ENTPD6: variants seen among roughly 807,000 people sequenced by gnomAD.
ENTPD6 encodes CD39 antigen-like 2.
ENTPD6 carries 46 observed loss-of-function variants against 61.5 expected under a neutral mutation model. The ratio of observed to expected loss-of-function variants is 0.75; its 90% CI spans 0.59 to 0.96. The LOEUF (loss-of-function observed/expected upper bound fraction) is 0.96. ENTPD6 is among the 40% of genes least tolerant of loss of function. The pLI, the probability that ENTPD6 is intolerant of heterozygous loss-of-function variation, is 0.00. For synonymous variants in ENTPD6, 252 were observed against 255.5 expected, an observed-to-expected ratio of 0.99 and a Z score of 0.13; for missense variants, 612 against 629.0, an observed-to-expected ratio of 0.97 and a Z score of 0.29.
rs907684566 is a variant in ENTPD6 at position 25,195,966 on chromosome 20, C to T, written c.-16+99C>T. 6 of 1,018,776 alleles carry T rather than the reference C, an allele frequency of 5.9e-6. No homozygotes were observed. The Admixed American group carries it at 1.3e-4, about 22-fold the overall frequency. 63.1% of individuals were successfully genotyped at this position (1,018,776 alleles called of 1,614,324 possible). ...CGCGCTGCGCTCCGGAGGACGGCCT[C>T]GGGGTCACTCGCACCCCGGGTCCCA... On this transcript the variant is annotated intron_variant, in intron 1 of 14. Coordinates refer to ENST00000376652, the MANE Select transcript of ENTPD6 (RefSeq NM_001247.5).
chr20:25,207,529 G>A, intron 3 of ENTPD6, 132 bp downstream of exon 3: 2 of 802,360 alleles, frequency 2.5e-6, no homozygotes, highest in Non-Finnish European at 3.7e-6. Context: ...GCTGGTATGG[G>A]CTGGGGTCCA....
rs6050459 is a variant in ENTPD6 at position 25,225,654 on chromosome 20, T to C, written c.*57T>C. The C allele has an allele frequency of 0.01, 14,503 of 1,440,928 alleles. 1,172 individuals are homozygous for C. The African/African-American group carries it at 0.18, about 18-fold the overall frequency. The allele number at this position is 1,440,928 out of a possible 1,614,324, so 89.3% of individuals were successfully genotyped here. On this transcript the variant is annotated 3_prime_UTR_variant, in exon 15 of 15. Coordinates refer to ENST00000376652, the MANE Select transcript of ENTPD6 (RefSeq NM_001247.5). ...GTCTGTGTGTCTGCATAAACCCTCCTGTCCTGGACGTGACTTCATCCTGAG... is the reference window on the plus strand; with the variant it reads ...GTCTGTGTGTCTGCATAAACCCTCCCGTCCTGGACGTGACTTCATCCTGAG...
Position 25,224,104 on chromosome 20 carries a change from C to T in ENTPD6, c.1190C>T (p.Ala397Val), listed in dbSNP as rs184517540. 1.6e-5 allele frequency: 25 copies of T among 1,611,590 alleles called. No individual in the cohort carries two copies. In the East Asian group the frequency reaches 2.7e-4, roughly 17 times the overall value. ...DLAAGVGLIDAEKGGSLVVGD... is the reference protein window; with the variant it reads ...DLAAGVGLIDVEKGGSLVVGD... ...CTGGGTGTTGTGTCTCCCACAGATG[C>T]GGAGAAGGGAGGCAGCCTGGTGGTG... The change falls in exon 13 of 15, where the codon GCG (alanine) becomes GTG (valine). Residue 397 changes from alanine to valine, a missense_variant. By Grantham distance (64) the Ala-to-Val change is moderately conservative (BLOSUM62 0). Transcript: ENST00000376652.
In ENTPD6 at chr20:25,207,240, C is replaced by T; in HGVS notation, c.219C>T (p.Ser73=). 1 of 1,614,126 alleles carries T rather than the reference C, an allele frequency of 6.2e-7. No individual in the cohort carries two copies. The highest frequency in any genetic ancestry group is 8.5e-7 in the Non-Finnish European group (1 of 1,180,020). The change falls in exon 3 of 15, where the codon AGC becomes AGT. Residue 73 remains serine (S), a synonymous_variant. Coordinates refer to ENST00000376652, the MANE Select transcript of ENTPD6 (RefSeq NM_001247.5). ...HRATATQAFF[S]ITRAAPGARW... is the part of the protein sequence containing the mutation. ...CCACCGCCACCCAGGCCTTCTTCAG[C>T]ATCACCAGGGCAGCCCCGGGGGCCC...
intron 11 of ENTPD6, 74 bp downstream of exon 11, chr20:25,221,407 C>A: frequency 8.8e-7 from 1 of 1,130,056 alleles, no homozygotes; most frequent in Non-Finnish European, 1.3e-6. Flanking sequence ...GCCTTTCCCA[C>A]ATCCCATGGG....
At position 25,207,320 on chromosome 20, in the gene ENTPD6, T is replaced by A. The variant is rs753612802; in HGVS notation, c.299T>A (p.Val100Asp). The change falls in exon 3 of 15, where the codon GTC (valine) becomes GAC (aspartate). Residue 100 changes from valine to aspartate, a missense_variant. Physicochemically the swap from Val to Asp is radical, Grantham distance 152 (BLOSUM62 -3). Transcript: ENST00000376652. ...PLGTAADGHE[V>D]FYGIMFDAGS... ...GGGACAGCTGCAGACGGGCACGAGG[T>A]CTTCTACGGGATCATGTTTGATGCA... is the stretch of plus-strand genomic sequence containing the variant. 6.3e-7 allele frequency: 1 copy of A among 1,596,420 alleles called. No homozygotes were observed. The highest frequency in any genetic ancestry group is 1.7e-5 in the Admixed American group (1 of 58,638).
chr20:25,196,375 C>G (rs73612660), intron 1 of ENTPD6: 2 of 292,214 alleles, frequency 6.8e-6, no homozygotes, highest in Non-Finnish European at 1.0e-5. Flanking sequence ...ACCTGTGAGC[C>G]GCGAATGCCC....
In ENTPD6 at chr20:25,213,036, G is replaced by A. The variant is rs117583991; in HGVS notation, c.454-227G>A. The stretch of plus-strand genomic sequence containing the variant: ...TTTTAAAAATTAGTCGGGCATGGTG[G>A]CTCACGCCCTTGTCCCAGCTACTTG... On this transcript the variant is annotated intron_variant, in intron 4 of 14. Coordinates refer to ENST00000376652, the MANE Select transcript of ENTPD6 (RefSeq NM_001247.5). 4.1e-4 allele frequency among the ~76,000 whole-genome samples: 62 copies of A among 152,270 alleles called. No homozygotes were observed. The East Asian group carries it at 0.01, about 26-fold the overall frequency.
At chr20:25,215,793 C>T (rs1568632758) in intron 7 of ENTPD6, 82 bp downstream of exon 7, 1 of 1,348,776 alleles carries the variant, frequency 7.4e-7, no homozygotes, top group Non-Finnish European at 1.1e-6. Flanking sequence ...GAGCAGGAGC[C>T]TCATTTCTGC....
chr20:25,216,646 A>G lies in ENTPD6; in HGVS notation c.710-2A>G. On this transcript the variant is annotated splice_acceptor_variant, in intron 7 of 14. Coordinates refer to ENST00000376652, the MANE Select transcript of ENTPD6 (RefSeq NM_001247.5). LOFTEE classifies it high-confidence loss of function. The stretch of plus-strand genomic sequence containing the variant: ...GTGCTGTTTTTGCTTGCTGTGCTCC[A>G]GGCAGCTTGAAAACTCCAGGAGGGA... The G allele has an allele frequency of 6.3e-7, 1 of 1,599,542 alleles. No individual in the cohort carries two copies. Among genetic ancestry groups the G allele is most frequent in the South Asian group, 1.1e-5 (1 of 87,866 alleles).
chr20:25,222,511 G>A (rs947368629), intron 11 of ENTPD6: 1 of 251,772 alleles, frequency 4.0e-6, no homozygotes, highest in Non-Finnish European at 7.7e-6. Context: ...TGGCGGAGGG[G>A]GAATGTAGGG....
chr20:25,226,150 TG>T lies in ENTPD6; in HGVS notation c.*556del. 6.5e-6 allele frequency: 1 copy of T among 152,798 alleles called. No homozygotes were observed. Among genetic ancestry groups the T allele is most frequent in the East Asian group, 1.9e-4 (1 of 5,186 alleles). The allele number at this position is 152,798 out of a possible 1,614,324, so 9.5% of individuals were successfully genotyped here. On this transcript the variant is annotated 3_prime_UTR_variant, in exon 15 of 15. Coordinates refer to ENST00000376652, the MANE Select transcript of ENTPD6 (RefSeq NM_001247.5). ...GACTTGAGTGTGTTTGCCTCTTCCT[TG>T]GGTATGAATGTGTGAGTTCACCCAG...
chr20:25,211,549 C>T (rs66536580), intron 4 of ENTPD6, among the ~76,000 whole-genome samples: 42,191 of 152,154 alleles, frequency 0.28, 6,633 homozygotes, highest in East Asian at 0.61. Context: ...TTCACACCCA[C>T]GGTGGTGTCC....
chr20:25,227,552 C>A lies in ENTPD6; in HGVS notation c.*1955C>A, dbSNP rs1330759425. ...CTTTTGTGATAATGAAGTAGGCTCTCATTTGTCAAAAATAGCTACACGTGC... is the reference window on the plus strand; with the variant it reads ...CTTTTGTGATAATGAAGTAGGCTCTAATTTGTCAAAAATAGCTACACGTGC... On this transcript the variant is annotated 3_prime_UTR_variant, in exon 15 of 15. Coordinates refer to ENST00000376652, the MANE Select transcript of ENTPD6 (RefSeq NM_001247.5). Among the ~76,000 whole-genome samples the A allele has an allele frequency of 6.6e-6, 1 of 152,208 alleles. No homozygotes were observed. The highest frequency in any genetic ancestry group is 1.5e-5 in the Non-Finnish European group (1 of 68,044).
Position 25,226,720 on chromosome 20 carries a change from C to T in ENTPD6, c.*1123C>T, listed in dbSNP as rs754988870. 1 of 152,324 alleles carries T rather than the reference C, an allele frequency of 6.6e-6. No homozygotes were observed. Among genetic ancestry groups the T allele is most frequent in the Non-Finnish European group, 1.5e-5 (1 of 68,086 alleles). The allele number at this position is 152,324 out of a possible 1,614,324, so 9.4% of individuals were successfully genotyped here. ...CAATAAAAGGTTGACAGGGGCTTCT[C>T]CTTCTCTGGGATTCCTCTCGTTGAG... is the stretch of plus-strand genomic sequence containing the variant. On this transcript the variant is annotated 3_prime_UTR_variant, in exon 15 of 15. Coordinates refer to ENST00000376652, the MANE Select transcript of ENTPD6 (RefSeq NM_001247.5).
intron 8 of ENTPD6, 137 bp from the exon 9 acceptor site, chr20:25,217,365 G>A (rs1201239233): frequency 1.3e-5 from 10 of 766,534 alleles, no homozygotes; most frequent in Non-Finnish European, 2.0e-5. Flanking sequence ...CTCCTGTCTC[G>A]CAGCCAGCGA....
rs146369864 is a variant in ENTPD6, at chr20:25,218,049, A to G, written c.878+468A>G. Among the ~76,000 whole-genome samples, 405 of 146,610 alleles carry G rather than the reference A, an allele frequency of 2.8e-3. 3 individuals are homozygous for G. Among genetic ancestry groups the G allele is most frequent in the African/African-American group, 9.9e-3 (385 of 38,838 alleles). On this transcript the variant is annotated intron_variant, in intron 9 of 14. Coordinates refer to ENST00000376652, the MANE Select transcript of ENTPD6 (RefSeq NM_001247.5). Reference sequence around the variant, plus strand: ...GTCTACAGTATACGCACATTCACCCAGACCTCTCTCTCCTCCTCCTCCTCC... The same window carrying G: ...GTCTACAGTATACGCACATTCACCCGGACCTCTCTCTCCTCCTCCTCCTCC...
At chr20:25,201,456 A>G (rs6083775) in intron 1 of ENTPD6, among the ~76,000 whole-genome samples, 3 of 152,104 alleles carry the variant, frequency 2.0e-5, no homozygotes, top group African/African-American at 4.8e-5. Flanking sequence ...TTTACTGTGT[A>G]TATGTTTATA....
intron 3 of ENTPD6, among the ~76,000 whole-genome samples, chr20:25,209,120 T>TA (rs2091756470): frequency 6.8e-6 from 1 of 148,100 alleles, no homozygotes; most frequent in Non-Finnish European, 1.5e-5. Context: ...ATTTAATTTT[T>TA]TTTTTTTGAG....
Sources: gnomAD v4.1 joint callset for allele counts (sites outside exome capture counted in the v4.1 genomes callset) on GRCh38, gnomAD v4.1.1 for gene constraint, MANE v1.5 for transcripts, NCBI Gene and HGNC (gene_info 2026-07-23, HGNC 2026-07-21) for gene names.